The following TCF4 variants were observed in gnomAD, a reference collection of about 807,000 sequenced individuals.
TCF4 encodes SL3-3 enhancer factor 2.
Under a neutral mutation model 82.1 loss-of-function variants are expected in TCF4, and 3 were observed. The observed-to-expected ratio is 0.04, with a 90% confidence interval of 0.02 to 0.09. TCF4 has a LOEUF of 0.09. Among genes scored for constraint, TCF4 ranks in the 10% least tolerant of loss-of-function variants. TCF4 has a pLI of 1.00. For synonymous variants in TCF4, 276 were observed against 309.6 expected (o/e 0.89, Z 1.14); for missense variants, 518 against 852.7 (o/e 0.61, Z 4.89).
rs201845558 is a variant in TCF4, at chr18:55,317,174, GTAAAT to G, written c.549+33180_549+33184del. The stretch of plus-strand genomic sequence containing the variant: ...AAATTTCATTGTTATTTTTAAATGG[GTAAAT>G]TAAAGTGCCAACTATATTTAAAAAA... On this transcript the variant is annotated intron_variant, in intron 8 of 19. Transcript: ENST00000354452. Among the ~76,000 whole-genome samples, 1,149 of 151,968 alleles carry G rather than the reference GTAAAT, an allele frequency of 7.6e-3. 15 individuals carry two copies. The highest frequency in any genetic ancestry group is 0.026 in the African/African-American group (1,094 of 41,468).
intron 17 of TCF4, chr18:55,229,519 G>A (rs1023947698): frequency 2.4e-5 from 4 of 170,088 alleles, no homozygotes; most frequent in South Asian, 1.3e-4. Flanking sequence ...CTTTCATACC[G>A]TGACATCTGA....
chr18:55,495,368 T>C (rs1029911955), intron 3 of TCF4, among the ~76,000 whole-genome samples: 45 of 152,208 alleles, frequency 3.0e-4, no homozygotes, highest in African/African-American at 1.0e-3. Context: ...GGCCACTTAT[T>C]TCTACTCCAA....
At chr18:55,303,104 G>A (rs1036820393) in intron 8 of TCF4, among the ~76,000 whole-genome samples, 2 of 152,144 alleles carry the variant, frequency 1.3e-5, no homozygotes, top group Admixed American at 6.5e-5. Context: ...TGTTTAAGAC[G>A]TGGCAAGTAA....
chr18:55,257,583 CTT>C, intron 13 of TCF4, 192 bp from the exon 14 acceptor site: 1 of 620,254 alleles, frequency 1.6e-6, no homozygotes, highest in East Asian at 2.7e-5. Context: ...AATATGTAGA[CTT>C]TACATAGACT....
chr18:55,292,922 G>T (rs1200059414), intron 8 of TCF4, among the ~76,000 whole-genome samples: 1 of 151,998 alleles, frequency 6.6e-6, no homozygotes, highest in Non-Finnish European at 1.5e-5. Context: ...GTGTATGCCT[G>T]TGTGTGTATA....
chr18:55,587,002 G>T (rs1462787079), intron 2 of TCF4, 43 bp downstream of exon 2: 1 of 1,576,106 alleles, frequency 6.3e-7, no homozygotes, highest in South Asian at 1.1e-5. Flanking sequence ...TTTTTGTTTT[G>T]TTTTTTTCAC....
chr18:55,539,262 T>C (rs2097144820), intron 3 of TCF4, among the ~76,000 whole-genome samples: 2 of 152,082 alleles, frequency 1.3e-5, no homozygotes, highest in Admixed American at 1.3e-4. Context: ...GCCAGAGATT[T>C]GGAAAGGCTA....
intron 6 of TCF4, among the ~76,000 whole-genome samples, chr18:55,397,920 T>C (rs2093595286): frequency 6.6e-6 from 1 of 152,186 alleles, no homozygotes; most frequent in African/African-American, 2.4e-5. Flanking sequence ...CTGTTTAACC[T>C]AAATAGCAGG....
At chr18:55,278,487 T>A (rs1788028) in intron 9 of TCF4, among the ~76,000 whole-genome samples, 5,710 of 152,290 alleles carry the variant, frequency 0.037, 364 homozygotes, top group African/African-American at 0.13. Flanking sequence ...ATCCTCCAAG[T>A]GGTTCATTCT....
At chr18:55,321,788 C>G (rs1449618594) in intron 8 of TCF4, 1 of 1,513,086 alleles carries the variant, frequency 6.6e-7, no homozygotes, top group Non-Finnish European at 8.8e-7. Flanking sequence ...ACTTTTATTT[C>G]AAACTCGCTG....
At chr18:55,630,205 T>C (rs2097730274) in intron 2 of TCF4, among the ~76,000 whole-genome samples, 1 of 152,186 alleles carries the variant, frequency 6.6e-6, no homozygotes, top group Non-Finnish European at 1.5e-5. Flanking sequence ...AGAATAATAA[T>C]GTGTTAGATA....
intron 6 of TCF4, among the ~76,000 whole-genome samples, chr18:55,393,006 T>G (rs958371185): frequency 6.6e-6 from 1 of 152,232 alleles, no homozygotes; most frequent in Admixed American, 6.5e-5. Flanking sequence ...TATTTTACTC[T>G]TATTCCTTCT....
intron 3 of TCF4, among the ~76,000 whole-genome samples, chr18:55,543,560 TTAAAA>T (rs918348956): frequency 6.6e-6 from 1 of 152,136 alleles, no homozygotes; most frequent in Non-Finnish European, 1.5e-5. Context: ...TTTAAGGCAC[TTAAAA>T]TAATCTCCCA....
chr18:55,577,117 T>C (rs943040549), intron 3 of TCF4, among the ~76,000 whole-genome samples: 4 of 146,280 alleles, frequency 2.7e-5, no homozygotes, highest in African/African-American at 9.9e-5. Flanking sequence ...TATGTATATA[T>C]ACATTTATAT....
At chr18:55,501,327 G>GA (rs371762650) in intron 3 of TCF4, among the ~76,000 whole-genome samples, 28 of 149,722 alleles carry the variant, frequency 1.9e-4, no homozygotes, top group East Asian at 7.9e-4. Context: ...ATTCGGAAGG[G>GA]AAAAAAAAAC....
At chr18:55,250,309 G>A (rs2054615570) in intron 15 of TCF4, among the ~76,000 whole-genome samples, 1 of 152,184 alleles carries the variant, frequency 6.6e-6, no homozygotes, top group Admixed American at 6.5e-5. Context: ...ACTTTGGAGG[G>A]AAAGTTCTCT....
At chr18:55,499,826 G>A (rs945537929) in intron 3 of TCF4, among the ~76,000 whole-genome samples, 12 of 152,302 alleles carry the variant, frequency 7.9e-5, no homozygotes, top group African/African-American at 2.9e-4. Flanking sequence ...GGACTACCAG[G>A]CCTTGCCTCT....
chr18:55,293,418 A>G (rs1293416297), intron 8 of TCF4, among the ~76,000 whole-genome samples: 1 of 152,140 alleles, frequency 6.6e-6, no homozygotes, highest in African/African-American at 2.4e-5. Context: ...AGCAAACTCA[A>G]TGTTCTTCAT....
intron 8 of TCF4, among the ~76,000 whole-genome samples, chr18:55,291,856 G>A (rs1428519033): frequency 6.6e-6 from 1 of 152,132 alleles, no homozygotes; most frequent in Non-Finnish European, 1.5e-5. Flanking sequence ...ATTTTCACTA[G>A]GAACTAGTTG....
Sources: allele counts gnomAD v4.1 joint callset (sites outside exome capture counted in the v4.1 genomes callset), GRCh38; gene constraint gnomAD v4.1.1; transcripts MANE v1.5; gene names NCBI Gene and HGNC (gene_info 2026-07-23, HGNC 2026-07-21).